DLGAP1: variants seen among roughly 807,000 people sequenced by gnomAD.
The protein encoded by DLGAP1 is disks large-associated protein 1.
Under a neutral mutation model 90.8 loss-of-function variants are expected in DLGAP1, and 11 were observed. That is an observed-to-expected ratio of 0.12 (90% CI 0.08 to 0.20). The LOEUF (loss-of-function observed/expected upper bound fraction) is 0.20, where lower values mean the gene tolerates loss of function less well. DLGAP1 is among the 10% of genes least tolerant of loss of function. DLGAP1 has a pLI of 1.00. For synonymous variants in DLGAP1, 558 were observed against 540.7 expected, an observed-to-expected ratio of 1.03 and a Z score of -0.44; for missense variants, 1,050 against 1,333.8, an observed-to-expected ratio of 0.79 and a Z score of 3.31.
chr18:3,526,514 A>G lies in DLGAP1; in HGVS notation c.2479+7680T>C, dbSNP rs934723128. On this transcript the variant is annotated intron_variant, in intron 10 of 12. Transcript: ENST00000315677. This position sits in a 1 kb window ranked among gnomAD's most constrained non-coding sequence, Gnocchi z 4.7. ...AAGTTTCACTAGCTTGGATGCTATT[A>G]CCAGGCAAAATTAAAGTGGAAGAAT... Among the ~76,000 whole-genome samples the G allele has an allele frequency of 6.6e-6, 1 of 152,244 alleles. No homozygotes were observed. The highest frequency in any genetic ancestry group is 2.4e-5 in the African/African-American group (1 of 41,472).
At chr18:3,677,259 C>G (rs1372080652) in intron 7 of DLGAP1, among the ~76,000 whole-genome samples, 2 of 152,208 alleles carry the variant, frequency 1.3e-5, no homozygotes, top group East Asian at 3.9e-4. Context: ...ATCCCTTTAT[C>G]CTACACCGTA....
intron 2 of DLGAP1, among the ~76,000 whole-genome samples, chr18:4,111,962 AATT>A (rs1292294222): frequency 1.3e-5 from 2 of 150,570 alleles, no homozygotes; most frequent in African/African-American, 4.9e-5. Context: ...TAATAATAAT[AATT>A]ATTATTTATA....
At chr18:4,104,737 G>T (rs149033369) in intron 2 of DLGAP1, among the ~76,000 whole-genome samples, 7 of 152,144 alleles carry the variant, frequency 4.6e-5, no homozygotes, top group African/African-American at 1.4e-4. Context: ...TCTCATTCCA[G>T]AATACATACT....
chr18:4,214,962 C>T (rs887109625), intron 1 of DLGAP1, among the ~76,000 whole-genome samples: 8 of 152,028 alleles, frequency 5.3e-5, no homozygotes, highest in Admixed American at 2.0e-4. Context: ...ATAAAAAGAA[C>T]GACATTTTAG....
intron 3 of DLGAP1, among the ~76,000 whole-genome samples, chr18:4,002,766 A>G (rs910660560): frequency 2.0e-5 from 3 of 152,138 alleles, no homozygotes; most frequent in Non-Finnish European, 2.9e-5. Context: ...GGGGTCAACT[A>G]TTGTTTAATC....
intron 7 of DLGAP1, among the ~76,000 whole-genome samples, chr18:3,644,973 T>C: frequency 6.6e-6 from 1 of 152,232 alleles, no homozygotes; most frequent in East Asian, 1.9e-4. Context: ...CACATACTCA[T>C]AATGTTTAAA....
rs914590942 is a variant in DLGAP1 at position 3,526,788 on chromosome 18, T to C, written c.2479+7406A>G. 3.9e-5 allele frequency among the ~76,000 whole-genome samples: 6 copies of C among 152,170 alleles called. No homozygotes were observed. The highest frequency in any genetic ancestry group is 1.4e-4 in the African/African-American group (6 of 41,428). ...CCCCGGTTAGATAATACCAGACGTATCTATGTAACATACAAGCCACTGTCA... is the reference window on the plus strand; with the variant it reads ...CCCCGGTTAGATAATACCAGACGTACCTATGTAACATACAAGCCACTGTCA... On this transcript the variant is annotated intron_variant, in intron 10 of 12. Transcript: ENST00000315677. The surrounding 1 kb of genome is among the most constrained non-coding windows in gnomAD (Gnocchi z 4.7).
intron 1 of DLGAP1, chr18:4,294,709 A>G (rs887328517): frequency 8.5e-5 from 13 of 152,308 alleles, no homozygotes; most frequent in Admixed American, 5.2e-4. Context: ...CAGAGGGCCA[A>G]TGTGACAGCT....
intron 1 of DLGAP1, among the ~76,000 whole-genome samples, chr18:4,315,089 C>T (rs569723475): frequency 1.1e-4 from 17 of 152,148 alleles, no homozygotes; most frequent in African/African-American, 4.1e-4. Context: ...GAGCATAGAC[C>T]CTGGAGTCAA....
intron 1 of DLGAP1, among the ~76,000 whole-genome samples, chr18:4,366,954 C>T (rs553174450): frequency 8.6e-6 from 1 of 116,020 alleles, no homozygotes; most frequent in East Asian, 2.9e-4. Flanking sequence ...TTTTTACTTT[C>T]ATAATATGTA....
chr18:4,082,681 G>A (rs1469184581), intron 2 of DLGAP1, among the ~76,000 whole-genome samples: 1 of 151,672 alleles, frequency 6.6e-6, no homozygotes, highest in Admixed American at 6.6e-5. Context: ...TTAGGATGAA[G>A]GGGAAGTTTT....
chr18:3,498,709 C>T lies in DLGAP1; in HGVS notation c.*476G>A, dbSNP rs1276395695. On this transcript the variant is annotated 3_prime_UTR_variant, in exon 13 of 13. Transcript: ENST00000315677. ...TCCATCTGCTTTTTTAAAAGAATAA[C>T]CATTTAGGGGAAATAAAGGGAATCG... 2 of 154,388 alleles carry T rather than the reference C, an allele frequency of 1.3e-5. No homozygotes were observed. Among genetic ancestry groups the T allele is most frequent in the African/African-American group, 4.8e-5 (2 of 41,630 alleles). 9.6% of individuals were successfully genotyped at this position (154,388 alleles called of 1,614,324 possible).
intron 2 of DLGAP1, among the ~76,000 whole-genome samples, chr18:4,090,023 T>C (rs1406252816): frequency 1.3e-5 from 2 of 151,858 alleles, no homozygotes; most frequent in African/African-American, 2.4e-5. Context: ...CCAGCCTGGG[T>C]GATAGAGGGG....
rs117592351 is a variant in DLGAP1 at position 3,943,968 on chromosome 18, C to T, written c.-73+61148G>A. 8.6e-3 allele frequency among the ~76,000 whole-genome samples: 1,302 copies of T among 152,246 alleles called. 17 individuals carry two copies. Among genetic ancestry groups the T allele is most frequent in the Non-Finnish European group, 0.012 (808 of 68,012 alleles). ...TCAGAACAACTCAACCCTGTGAACG[C>T]CTTGATCTTGGACTTCCAGCCTTCA... On this transcript the variant is annotated intron_variant, in intron 3 of 12. Coordinates refer to ENST00000315677, the MANE Select transcript of DLGAP1 (RefSeq NM_004746.4).
At chr18:3,789,168 C>T (rs1186079835) in intron 5 of DLGAP1, among the ~76,000 whole-genome samples, 1 of 152,194 alleles carries the variant, frequency 6.6e-6, no homozygotes, top group Non-Finnish European at 1.5e-5. Context: ...ACAGTTCTGA[C>T]ACAGTGCAAT....
intron 1 of DLGAP1, among the ~76,000 whole-genome samples, chr18:4,361,142 A>T (rs1433106512): frequency 6.6e-6 from 1 of 152,138 alleles, no homozygotes; most frequent in Non-Finnish European, 1.5e-5. Flanking sequence ...GGCTTCAGGG[A>T]GTGTCTAAGA....
intron 3 of DLGAP1, among the ~76,000 whole-genome samples, chr18:3,975,923 A>T (rs1486132624): frequency 6.6e-6 from 1 of 152,070 alleles, no homozygotes; most frequent in Non-Finnish European, 1.5e-5. Context: ...CCTGGGGGAG[A>T]GGGAATGGGA....
intron 7 of DLGAP1, among the ~76,000 whole-genome samples, chr18:3,583,533 A>G (rs903818800): frequency 6.6e-6 from 1 of 152,172 alleles, no homozygotes; most frequent in African/African-American, 2.4e-5. Context: ...TTTACACTGT[A>G]CAAAAGTCTC....
intron 3 of DLGAP1, among the ~76,000 whole-genome samples, chr18:3,981,336 C>A (rs1048007258): frequency 6.6e-6 from 1 of 152,250 alleles, no homozygotes; most frequent in Admixed American, 6.5e-5. Flanking sequence ...TGTGCCCACA[C>A]GTGAAGTAGG....
Sources: gnomAD v4.1 joint callset for allele counts (sites outside exome capture counted in the v4.1 genomes callset) on GRCh38, gnomAD v4.1.1 for gene constraint, Gnocchi (gnomAD v3.1) non-coding constraint, MANE v1.5 for transcripts, NCBI Gene and HGNC (gene_info 2026-07-23, HGNC 2026-07-21) for gene names.